CPS1: variants seen among roughly 807,000 people sequenced by gnomAD.
CPS1 encodes carbamoyl-phosphate synthase [ammonia], mitochondrial.
Under a neutral mutation model 174.6 loss-of-function variants are expected in CPS1, and 109 were observed. The observed-to-expected ratio is 0.62, with a 90% CI of 0.53 to 0.73. The LOEUF (loss-of-function observed/expected upper bound fraction) is 0.73. Among genes scored for constraint, CPS1 ranks in the 30% least tolerant of loss-of-function variants. The pLI, the probability that CPS1 is intolerant of heterozygous loss-of-function variation, is 0.00. For missense variants in CPS1, 1,689 were observed against 1,821.9 expected (o/e 0.93, Z 1.33); for synonymous variants, 637 against 632.0 (o/e 1.01, Z -0.12).
intron 1 of CPS1, among the ~76,000 whole-genome samples, chr2:210,548,202 T>C (rs1225051982): frequency 2.0e-5 from 3 of 152,072 alleles, no homozygotes; most frequent in Non-Finnish European, 4.4e-5. Context: ...TTTGTTTCTC[T>C]CATTTGTCTT....
chr2:210,543,909 T>G (rs1306064718), intron 1 of CPS1, among the ~76,000 whole-genome samples: 3 of 152,056 alleles, frequency 2.0e-5, no homozygotes, highest in Non-Finnish European at 4.4e-5. Context: ...CTCCCGCAAG[T>G]TATTCCTTAA....
upstream of CPS1, among the ~76,000 whole-genome samples, chr2:210,554,158 C>T (rs1044706181): frequency 4.1e-5 from 5 of 123,354 alleles, no homozygotes; most frequent in East Asian, 2.2e-4. Flanking sequence ...TATATACACA[C>T]ACATATACAT....
chr2:210,549,465 A>G (rs1036915485), intron 1 of CPS1, among the ~76,000 whole-genome samples: 2 of 152,052 alleles, frequency 1.3e-5, no homozygotes, highest in Non-Finnish European at 2.9e-5. Flanking sequence ...ACCAAGTTAT[A>G]AGAAAATGCT....
chr2:210,655,413 C>G (rs1052493238), intron 29 of CPS1, among the ~76,000 whole-genome samples: 1 of 152,126 alleles, frequency 6.6e-6, no homozygotes, highest in Non-Finnish European at 1.5e-5. Flanking sequence ...CCTGTACTCC[C>G]TCTTTTGGAA....
chr2:210,490,668 C>T (rs1694852893), intron 1 of CPS1, among the ~76,000 whole-genome samples: 1 of 152,146 alleles, frequency 6.6e-6, no homozygotes. Flanking sequence ...GAGAGGCTGT[C>T]TTAATTCAAT....
intron 30 of CPS1, chr2:210,657,244 A>T (rs984500326): frequency 1.3e-5 from 2 of 156,100 alleles, no homozygotes; most frequent in Admixed American, 1.2e-4. Context: ...AAAGAACTTA[A>T]CAAAAATAAT....
intron 1 of CPS1, among the ~76,000 whole-genome samples, chr2:210,518,610 G>T (rs564611729): frequency 1.3e-5 from 2 of 152,002 alleles, no homozygotes; most frequent in African/African-American, 4.8e-5. Context: ...AGGAAGTCAC[G>T]TAAGAAAAGG....
chr2:210,549,499 T>C lies in CPS1; in HGVS notation c.4-7220T>C, dbSNP rs77125355. Among the ~76,000 whole-genome samples the C allele has an allele frequency of 5.9e-3, 901 of 152,198 alleles. 2 individuals are homozygous for C. The highest frequency in any genetic ancestry group is 0.01 in the Middle Eastern group (3 of 294). ...CTTCAGCCAAAATTAAGTGTTGAGT[T>C]TGATTTGTGTAATTGTTAGTTTCTT... On this transcript the variant is annotated intron_variant, in intron 1 of 38. Coordinates refer to the CPS1 transcript ENST00000430249.
upstream of CPS1, among the ~76,000 whole-genome samples, chr2:210,552,672 C>T (rs936763087): frequency 6.6e-6 from 1 of 151,546 alleles, no homozygotes; most frequent in Non-Finnish European, 1.5e-5. Flanking sequence ...TTGCTTATGT[C>T]AGTGGACTGT....
chr2:210,488,543 C>T (rs1368588516), intron 1 of CPS1, among the ~76,000 whole-genome samples: 4 of 152,174 alleles, frequency 2.6e-5, no homozygotes, highest in Non-Finnish European at 4.4e-5. Flanking sequence ...CTGCCTGTTT[C>T]CTCTATCTAC....
intron 13 of CPS1, among the ~76,000 whole-genome samples, chr2:210,598,796 A>G (rs901516879): frequency 1.3e-5 from 2 of 151,848 alleles, no homozygotes; most frequent in South Asian, 2.1e-4. Context: ...ATAGTATTAA[A>G]CAAATCATTG....
Position 210,590,440 on chromosome 2 carries a change from A to G in CPS1, c.840+206A>G, listed in dbSNP as rs534894173. Among the ~76,000 whole-genome samples, 7 of 152,134 alleles carry G rather than the reference A, an allele frequency of 4.6e-5. No homozygotes were observed. The East Asian group carries it at 1.2e-3, about 25-fold the overall frequency. On this transcript the variant is annotated intron_variant, in intron 8 of 37. Coordinates refer to ENST00000233072, the MANE Select transcript of CPS1 (RefSeq NM_001875.5). ...AGAAAATAGGGTTTTTCTTCAGGCA[A>G]AGTAACTTGGGGATCATGTCCTTGA...
intron 1 of CPS1, among the ~76,000 whole-genome samples, chr2:210,505,860 G>A (rs1164676582): frequency 1.3e-5 from 2 of 152,224 alleles, no homozygotes; most frequent in African/African-American, 2.4e-5. Flanking sequence ...TGCCATTGCT[G>A]AGGCTTGAGT....
chr2:210,497,918 A>ATATATATATATC (rs970136471), intron 1 of CPS1, among the ~76,000 whole-genome samples: 3 of 142,198 alleles, frequency 2.1e-5, no homozygotes, highest in Admixed American at 7.0e-5. Context: ...ATATATATAT[A>ATATATATATATC]TCTCCAGTAA....
chr2:210,593,618 C>T (rs2106114545), intron 11 of CPS1: 1 of 985,178 alleles, frequency 1.0e-6, no homozygotes, highest in East Asian at 1.1e-4. Flanking sequence ...CTTCCCCACA[C>T]CCAGGGGCCT....
intron 1 of CPS1, among the ~76,000 whole-genome samples, chr2:210,517,907 C>T (rs563604250): frequency 2.0e-5 from 3 of 151,990 alleles, no homozygotes; most frequent in South Asian, 4.2e-4. Flanking sequence ...TGTTAGCCAC[C>T]GTTTCTAATT....
At chr2:210,655,682 T>C (rs1700681452) in intron 29 of CPS1, among the ~76,000 whole-genome samples, 1 of 152,176 alleles carries the variant, frequency 6.6e-6, no homozygotes, top group Admixed American at 6.5e-5. Context: ...TCTTATCTTA[T>C]CAGAAACCAA....
At chr2:210,578,405 C>T (rs1375663894) in intron 4 of CPS1, among the ~76,000 whole-genome samples, 1 of 152,108 alleles carries the variant, frequency 6.6e-6, no homozygotes, top group African/African-American at 2.4e-5. Flanking sequence ...TGAGCCACCG[C>T]GCCCAGCCAT....
At chr2:210,480,888 C>T (rs529332886) in intron 1 of CPS1, among the ~76,000 whole-genome samples, 2 of 152,278 alleles carry the variant, frequency 1.3e-5, no homozygotes, top group East Asian at 1.9e-4. Context: ...TTTTCTGTTT[C>T]GTTCATAGTA....
Sources: allele counts gnomAD v4.1 joint callset (sites outside exome capture counted in the v4.1 genomes callset), GRCh38; gene constraint gnomAD v4.1.1; transcripts MANE v1.5; gene names NCBI Gene and HGNC (gene_info 2026-07-23, HGNC 2026-07-21).